FOXI3: variants seen among roughly 807,000 people sequenced by gnomAD.
FOXI3 encodes the protein forkhead box I3.
In FOXI3, 4 loss-of-function variants were observed where a neutral mutation model predicts 15.6. That is an observed-to-expected ratio of 0.26 (90% CI 0.13 to 0.59). FOXI3 has a LOEUF of 0.59. FOXI3 is among the 20% of genes least tolerant of loss of function. The pLI is 0.90. For missense variants in FOXI3, 489 were observed against 548.2 expected (o/e 0.89, Z 1.08); for synonymous variants, 238 against 244.4 (o/e 0.97, Z 0.25).
rs1675971989 is a variant in FOXI3, at chr2:88,448,198, G to A, written c.*9C>T. On this transcript the variant is annotated 3_prime_UTR_variant, in exon 2 of 2. Transcript: ENST00000428390. ...CTCAGGTGTGCATACTCAAGTCTGA[G>A]AGTCTGCTCTACACCTCGGAGCCCT... The A allele has an allele frequency of 6.5e-7, 1 of 1,549,838 alleles. No individual in the cohort carries two copies. Among genetic ancestry groups the A allele is most frequent in the Admixed American group, 2.0e-5 (1 of 50,792 alleles).
intron 1 of FOXI3, among the ~76,000 whole-genome samples, chr2:88,449,161 G>A (rs962781278): frequency 2.6e-5 from 4 of 151,692 alleles, no homozygotes; most frequent in African/African-American, 7.3e-5. Flanking sequence ...GCAAAGTCAT[G>A]GAATTCTGAT....
Position 88,447,978 on chromosome 2 carries a change from T to C in FOXI3, c.*229A>G, listed in dbSNP as rs962779347. The C allele has an allele frequency of 5.3e-6, 3 of 568,038 alleles. No individual in the cohort carries two copies. Among genetic ancestry groups the C allele is most frequent in the Non-Finnish European group, 6.3e-6 (2 of 318,700 alleles). 35.2% of individuals were successfully genotyped at this position (568,038 alleles called of 1,614,324 possible). ...GAAGACAGTGAAACGGATTTCTCTC[T>C]GGAGAGGCCCACATGCAGAGAAACC... On this transcript the variant is annotated 3_prime_UTR_variant, in exon 2 of 2. Coordinates refer to ENST00000428390, the MANE Select transcript of FOXI3 (RefSeq NM_001135649.3).
intron 1 of FOXI3, among the ~76,000 whole-genome samples, chr2:88,450,100 C>G (rs1676015478): frequency 6.6e-6 from 1 of 152,084 alleles, no homozygotes; most frequent in South Asian, 2.1e-4. Context: ...CCCAGAGTAG[C>G]TGGTATGACA....
At chr2:88,449,814 C>T (rs1676011576) in intron 1 of FOXI3, among the ~76,000 whole-genome samples, 1 of 152,122 alleles carries the variant, frequency 6.6e-6, no homozygotes, top group Non-Finnish European at 1.5e-5. Flanking sequence ...CTCCTCACAG[C>T]TTTATGGCGA....
At chr2:88,451,871 G>A (rs1676053169) in intron 1 of FOXI3, 25 bp downstream of exon 1, 6 of 1,606,458 alleles carry the variant, frequency 3.7e-6, no homozygotes, top group East Asian at 2.2e-5. Flanking sequence ...TCCCCGGCTG[G>A]GAAGCACCTG....
chr2:88,450,520 A>G lies in FOXI3; in HGVS notation c.640+1376T>C, dbSNP rs568287822. On this transcript the variant is annotated intron_variant, in intron 1 of 1. Coordinates refer to ENST00000428390, the MANE Select transcript of FOXI3 (RefSeq NM_001135649.3). ...TCTGCAAATAGTTATAGGGAAAAAAATTACATAACTAGAATTTCAATAATA... is the reference window on the plus strand; with the variant it reads ...TCTGCAAATAGTTATAGGGAAAAAAGTTACATAACTAGAATTTCAATAATA... 2.0e-5 allele frequency among the ~76,000 whole-genome samples: 3 copies of G among 152,304 alleles called. No individual in the cohort carries two copies. In the East Asian group the frequency reaches 5.8e-4, roughly 29 times the overall value.
chr2:88,447,218 T>G lies in FOXI3; in HGVS notation c.*989A>C, dbSNP rs1162531741. 2 of 152,248 alleles carry G rather than the reference T, an allele frequency of 1.3e-5. No homozygotes were observed. Among genetic ancestry groups the G allele is most frequent in the African/African-American group, 4.8e-5 (2 of 41,466 alleles). The allele number at this position is 152,248 out of a possible 1,614,324, so 9.4% of individuals were successfully genotyped here. On this transcript the variant is annotated 3_prime_UTR_variant, in exon 2 of 2. Coordinates refer to ENST00000428390, the MANE Select transcript of FOXI3 (RefSeq NM_001135649.3). ...AACAGTGCCTGGCACACAAGGCTGC[T>G]TGTGCCATTTTATTGCCATTAGAAT... is the stretch of plus-strand genomic sequence containing the variant.
rs1676060502 is a variant in FOXI3 at position 88,452,164 on chromosome 2, C to CGCGGGCGCG, written c.363_371dup (p.Ala122_Ala124dup). On this transcript the variant is annotated inframe_insertion, in exon 1 of 2. Transcript: ENST00000428390. ...ACAGCCAGCCCAGCTCCCCGGGCCC[C>CGCGGGCGCG]GCGGGCGCGGCGGGCGAGGCGGGCG... The CGCGGGCGCG allele has an allele frequency of 1.0e-5, 14 of 1,354,066 alleles. No individual in the cohort carries two copies. The highest frequency in any genetic ancestry group is 3.1e-5 in the African/African-American group (2 of 65,434). The allele number at this position is 1,354,066 out of a possible 1,614,324, so 83.9% of individuals were successfully genotyped here.
intron 1 of FOXI3, among the ~76,000 whole-genome samples, chr2:88,450,476 G>A (rs971568375): frequency 2.0e-5 from 3 of 149,884 alleles, no homozygotes; most frequent in African/African-American, 4.9e-5. Context: ...GGGCTAAGCC[G>A]CCTCCACTTG....
Position 88,447,176 on chromosome 2 carries a change from A to T in FOXI3, c.*1031T>A, listed in dbSNP as rs1675951749. The T allele has an allele frequency of 1.3e-5, 2 of 152,234 alleles. No individual in the cohort carries two copies. Among genetic ancestry groups the T allele is most frequent in the South Asian group, 4.1e-4 (2 of 4,834 alleles). The allele number at this position is 152,234 out of a possible 1,614,324, so 9.4% of individuals were successfully genotyped here. On this transcript the variant is annotated 3_prime_UTR_variant, in exon 2 of 2. Transcript: ENST00000428390. ...AGGTTTCTGAGAGGATTAAATGAAT[A>T]CATGACAAGTGCCGAGAACAGTGCC...
rs1020209023 is a variant in FOXI3, at chr2:88,452,307, C to T, written c.229G>A (p.Gly77Ser). The change falls in exon 1 of 2, where the codon GGC becomes AGC. Residue 77 changes from glycine (G) to serine (S), a missense_variant. This residue lies in a region of FOXI3 where 224 missense variants were observed against 245.7 expected (regional missense o/e 0.91). Coordinates refer to ENST00000428390, the MANE Select transcript of FOXI3 (RefSeq NM_001135649.3). ...GGGGGCGGCGGCGGCGGCGGAGCGC[C>T]CAGGTACGCGGCGGCGGCTGCGGCG... The part of the protein sequence containing the change: ...AAAAAAAAYL[G>S]APPPPPPPGA... 1.0e-6 allele frequency: 1 copy of T among 981,664 alleles called. No homozygotes were observed. The highest frequency in any genetic ancestry group is 4.5e-5 in the South Asian group (1 of 22,128). The allele number at this position is 981,664 out of a possible 1,614,324, so 60.8% of individuals were successfully genotyped here. A position where few individuals can be genotyped will look rare whatever the true frequency, so the allele number is the denominator to read the frequency against.
intron 1 of FOXI3, among the ~76,000 whole-genome samples, chr2:88,451,234 A>G (rs188571245): frequency 6.6e-6 from 1 of 152,304 alleles, no homozygotes; most frequent in East Asian, 1.9e-4. Context: ...TTGGGCTTAG[A>G]CCAGAACGCA....
At position 88,448,093 on chromosome 2, in the gene FOXI3, C is replaced by T; in HGVS notation, c.*114G>A. The T allele has an allele frequency of 1.1e-6, 1 of 931,878 alleles. No individual in the cohort carries two copies. The highest frequency in any genetic ancestry group is 1.6e-6 in the Non-Finnish European group (1 of 628,272). The allele number at this position is 931,878 out of a possible 1,614,324, so 57.7% of individuals were successfully genotyped here. A position where few individuals can be genotyped will look rare whatever the true frequency, so the allele number is the denominator to read the frequency against. ...AAAGGACCACGAGATCACCCAGGAA[C>T]TCGACAGAAACGCAGAACTCAGGTC... is the stretch of plus-strand genomic sequence containing the variant. On this transcript the variant is annotated 3_prime_UTR_variant, in exon 2 of 2. Transcript: ENST00000428390.
rs554541249 is a variant in FOXI3, at chr2:88,448,104, C to T, written c.*103G>A. The T allele has an allele frequency of 4.8e-5, 51 of 1,052,448 alleles. No individual in the cohort carries two copies. Among genetic ancestry groups the T allele is most frequent in the Middle Eastern group, 3.2e-4 (1 of 3,144 alleles). The allele number at this position is 1,052,448 out of a possible 1,614,324, so 65.2% of individuals were successfully genotyped here. A position where few individuals can be genotyped will look rare whatever the true frequency, so the allele number is the denominator to read the frequency against. On this transcript the variant is annotated 3_prime_UTR_variant, in exon 2 of 2. Coordinates refer to ENST00000428390, the MANE Select transcript of FOXI3 (RefSeq NM_001135649.3). ...AGATCACCCAGGAACTCGACAGAAA[C>T]GCAGAACTCAGGTCCTACCCCAGAC...
At chr2:88,451,575 C>T (rs1446683314) in intron 1 of FOXI3, among the ~76,000 whole-genome samples, 1 of 152,196 alleles carries the variant, frequency 6.6e-6, no homozygotes, top group Admixed American at 6.5e-5. Context: ...GTAGACCCTC[C>T]CTTCAAAAGG....
At position 88,446,935 on chromosome 2, in the gene FOXI3, G is replaced by A. The variant is rs998022614; in HGVS notation, c.*1272C>T. On this transcript the variant is annotated 3_prime_UTR_variant, in exon 2 of 2. Transcript: ENST00000428390. ...TAGAATACAGAAGTTACAAGCACCA[G>A]CTCTGGAACCAGATTGTCTGGGTCT... 1.3e-5 allele frequency: 2 copies of A among 152,210 alleles called. No homozygotes were observed. The highest frequency in any genetic ancestry group is 2.9e-5 in the Non-Finnish European group (2 of 68,058). 9.4% of individuals were successfully genotyped at this position (152,210 alleles called of 1,614,324 possible).
At chr2:88,449,903 T>G (rs1314146166) in intron 1 of FOXI3, among the ~76,000 whole-genome samples, 1 of 152,176 alleles carries the variant, frequency 6.6e-6, no homozygotes, top group Admixed American at 6.5e-5. Flanking sequence ...TATTCCTAAG[T>G]TAGCCATGAT....
intron 1 of FOXI3, 105 bp downstream of exon 1, chr2:88,451,791 A>G (rs2104263100): frequency 6.7e-7 from 1 of 1,501,504 alleles, no homozygotes. Context: ...AGCCTGGACA[A>G]GAAGACTCCT....
At position 88,452,389 on chromosome 2, in the gene FOXI3, G is replaced by C; in HGVS notation, c.147C>G (p.Ala49=). The part of the protein sequence containing the change: ...LADYAAPPAA[A]ANPYLWLNGP... ...CGTTGAGCCACAGGTAGGGGTTGGC[G>C]GCGGCGGCCGGCGGCGCGGCGTAGT... Residue 49 remains alanine, a synonymous_variant, in exon 1 of 2, where the codon GCC becomes GCG. Coordinates refer to ENST00000428390, the MANE Select transcript of FOXI3 (RefSeq NM_001135649.3). The C allele has an allele frequency of 1.0e-6, 1 of 991,278 alleles. No homozygotes were observed. The highest frequency in any genetic ancestry group is 1.2e-6 in the Non-Finnish European group (1 of 835,532). The allele number at this position is 991,278 out of a possible 1,614,324, so 61.4% of individuals were successfully genotyped here.
Sources: allele counts gnomAD v4.1 joint callset (sites outside exome capture counted in the v4.1 genomes callset), GRCh38; gene constraint gnomAD v4.1.1; regional missense constraint gnomAD v4.1.1; transcripts MANE v1.5; gene names NCBI Gene and HGNC (gene_info 2026-07-23, HGNC 2026-07-21).